The following RORA variants were observed in gnomAD, a reference collection of about 807,000 sequenced individuals.
RORA encodes the protein RAR related orphan receptor A.
RORA carries 7 observed loss-of-function variants against 69.5 expected under a neutral mutation model. That is an observed-to-expected ratio of 0.10 (90% CI 0.06 to 0.19). The LOEUF (loss-of-function observed/expected upper bound fraction) is 0.19. RORA is among the 10% of genes least tolerant of loss of function. RORA has a pLI of 1.00. For synonymous variants in RORA, 261 were observed against 240.8 expected (o/e 1.08, Z -0.78); for missense variants, 457 against 663.0 (o/e 0.69, Z 3.41).
chr15:60,726,692 G>C (rs1174195644), intron 1 of RORA, among the ~76,000 whole-genome samples: 1 of 152,214 alleles, frequency 6.6e-6, no homozygotes. Context: ...ACTGTGTCTA[G>C]GGGCGGGTGG....
chr15:60,546,293 G>A (rs1209225761), intron 2 of RORA: 1 of 152,174 alleles, frequency 6.6e-6, no homozygotes, highest in African/African-American at 2.4e-5. Context: ...ATTGTTATTT[G>A]GATGGATGCT....
chr15:60,876,883 T>C (rs1379237509), intron 1 of RORA, among the ~76,000 whole-genome samples: 4 of 152,164 alleles, frequency 2.6e-5, no homozygotes, highest in Non-Finnish European at 2.9e-5. Context: ...TATTTTCACT[T>C]GCGAGTGGGA....
intron 1 of RORA, among the ~76,000 whole-genome samples, chr15:61,124,685 C>G (rs538184984): frequency 1.1e-4 from 17 of 152,240 alleles, no homozygotes; most frequent in African/African-American, 3.9e-4. Flanking sequence ...TCAAATCCTG[C>G]CTGGGAGCAA....
At chr15:60,819,767 A>ACACACACACACACACG (rs1555455768) in intron 1 of RORA, among the ~76,000 whole-genome samples, 3 of 147,532 alleles carry the variant, frequency 2.0e-5, no homozygotes, top group East Asian at 4.0e-4. Flanking sequence ...ACACACACAC[A>ACACACACACACACACG]CACACACACA....
At chr15:61,171,602 G>A (rs1198191467) in intron 1 of RORA, among the ~76,000 whole-genome samples, 1 of 152,182 alleles carries the variant, frequency 6.6e-6, no homozygotes, top group Non-Finnish European at 1.5e-5. Flanking sequence ...GACTTCTGCA[G>A]AGCTGCTAGC....
Position 60,501,042 on chromosome 15 carries a change from A to G in RORA, c.1211T>C (p.Phe404Ser). 1 of 1,607,632 alleles carries G rather than the reference A, an allele frequency of 6.2e-7. No homozygotes were observed. Among genetic ancestry groups the G allele is most frequent in the Non-Finnish European group, 8.5e-7 (1 of 1,174,704 alleles). The change falls in exon 9 of 11, where the codon TTT (phenylalanine) becomes TCT (serine). Residue 404 changes from phenylalanine to serine, a missense_variant. Phe to Ser is a radical substitution (Grantham distance 155). Around this residue, in one of 3 missense-constraint regions of RORA, gnomAD observed 304 missense variants for 447.4 expected, o/e 0.68. Coordinates refer to ENST00000335670, the MANE Select transcript of RORA (RefSeq NM_134261.3). Reference protein sequence around the residue: ...LGCEDFISFVFEFGKSLCSMH... With the variant: ...LGCEDFISFVSEFGKSLCSMH... ...AGAACATAAACTCTTTCCAAATTCA[A>G]ACACAAAGCTAATAAAGTCTTCACA... is the stretch of plus-strand genomic sequence containing the variant.
intron 1 of RORA, among the ~76,000 whole-genome samples, chr15:60,726,116 A>G (rs1164968872): frequency 2.0e-5 from 3 of 152,018 alleles, no homozygotes; most frequent in South Asian, 2.1e-4. Context: ...AATTAAGGCC[A>G]TATAGCTATT....
chr15:60,888,317 A>G (rs1488264309), intron 1 of RORA, among the ~76,000 whole-genome samples: 5 of 152,228 alleles, frequency 3.3e-5, no homozygotes, highest in African/African-American at 9.6e-5. Flanking sequence ...ACCTGAAGCA[A>G]GGGCAGCAGG....
At chr15:60,917,923 A>G (rs1291759545) in intron 1 of RORA, among the ~76,000 whole-genome samples, 2 of 152,236 alleles carry the variant, frequency 1.3e-5, no homozygotes, top group African/African-American at 4.8e-5. Flanking sequence ...ACCCAACTGA[A>G]TCAGACGCAG....
intron 1 of RORA, among the ~76,000 whole-genome samples, chr15:60,849,894 G>A (rs751092903): frequency 1.2e-4 from 18 of 152,164 alleles, no homozygotes; most frequent in Admixed American, 6.5e-5. Flanking sequence ...ATCTCTTCAG[G>A]GCTAGTGAGG....
chr15:60,877,169 G>C (rs1223468412), intron 1 of RORA, among the ~76,000 whole-genome samples: 2 of 152,236 alleles, frequency 1.3e-5, no homozygotes, highest in Non-Finnish European at 2.9e-5. Context: ...ACAAGGCTGA[G>C]AAGTAGTTCA....
At position 61,128,110 on chromosome 15, in the gene RORA, A is replaced by C. The variant is rs2079158709; in HGVS notation, c.166+100943T>G. On this transcript the variant is annotated intron_variant, in intron 1 of 10. Coordinates refer to ENST00000335670, the MANE Select transcript of RORA (RefSeq NM_134261.3). The surrounding 1 kb of genome is among the most constrained non-coding windows in gnomAD (Gnocchi z 4.5). ...TGCTTTTGGTTTCACACTGAAACAT[A>C]ATTTCAAGAGTCAGCTTATTTATCA... Among the ~76,000 whole-genome samples the C allele has an allele frequency of 6.6e-6, 1 of 152,228 alleles. No individual in the cohort carries two copies. Among genetic ancestry groups the C allele is most frequent in the African/African-American group, 2.4e-5 (1 of 41,464 alleles).
intron 1 of RORA, among the ~76,000 whole-genome samples, chr15:60,733,943 A>AGAGG (rs1344506201): frequency 1.3e-5 from 2 of 151,362 alleles, no homozygotes; most frequent in Non-Finnish European, 3.0e-5. Context: ...AGAGAGAGAG[A>AGAGG]GAGAGAGAGA....
At chr15:61,217,895 T>C (rs1185231421) in intron 1 of RORA, among the ~76,000 whole-genome samples, 1 of 152,154 alleles carries the variant, frequency 6.6e-6, no homozygotes, top group Non-Finnish European at 1.5e-5. Context: ...GTATTTACAT[T>C]ATTTTCCCTC....
At chr15:60,540,332 A>T (rs1215636782) in intron 2 of RORA, among the ~76,000 whole-genome samples, 1 of 152,186 alleles carries the variant, frequency 6.6e-6, no homozygotes, top group African/African-American at 2.4e-5. Context: ...CATCTTTAAA[A>T]CCATACCAAA....
chr15:60,657,932 G>T (rs540713879), intron 2 of RORA, among the ~76,000 whole-genome samples: 8 of 152,174 alleles, frequency 5.3e-5, no homozygotes, highest in African/African-American at 1.9e-4. Flanking sequence ...GTGAGGGGTG[G>T]GGATTCCTAT....
chr15:61,145,026 G>A (rs968251918), intron 1 of RORA, among the ~76,000 whole-genome samples: 6 of 152,078 alleles, frequency 3.9e-5, no homozygotes, highest in African/African-American at 1.4e-4. Context: ...ATATCTTGAT[G>A]GTATACGCCT....
At chr15:60,931,357 C>T (rs958313600) in intron 1 of RORA, among the ~76,000 whole-genome samples, 6 of 152,186 alleles carry the variant, frequency 3.9e-5, no homozygotes, top group African/African-American at 1.4e-4. Context: ...TGCCCAAGCA[C>T]TCTTCCTTAC....
At chr15:60,567,236 C>T (rs74548320) in intron 2 of RORA, among the ~76,000 whole-genome samples, 4 of 151,240 alleles carry the variant, frequency 2.6e-5, no homozygotes, top group Admixed American at 6.6e-5. Flanking sequence ...TTATTCCAAA[C>T]GGCGACAGAG....
Sources: gnomAD v4.1 joint callset for allele counts (sites outside exome capture counted in the v4.1 genomes callset) on GRCh38, gnomAD v4.1.1 for gene constraint, gnomAD v4.1.1 regional missense constraint, Gnocchi (gnomAD v3.1) non-coding constraint, MANE v1.5 for transcripts, NCBI Gene and HGNC (gene_info 2026-07-23, HGNC 2026-07-21) for gene names.